Variants in ESR1 observed in about 807,000 individuals in gnomAD.
ESR1 encodes the protein estrogen receptor 1.
In ESR1, 12 loss-of-function variants were observed where a neutral mutation model predicts 52.7. The ratio of observed to expected loss-of-function variants is 0.23; its 90% confidence interval spans 0.15 to 0.37. ESR1 has a LOEUF of 0.37. Ranked by LOEUF, ESR1 falls within the 10% of genes least tolerant of loss-of-function variation. The pLI is 1.00. For missense variants in ESR1, 584 were observed against 779.7 expected (o/e 0.75, Z 2.99); for synonymous variants, 305 against 316.8 (o/e 0.96, Z 0.39).
At chr6:151,922,101 G>A (rs2031811744) in intron 3 of ESR1, among the ~76,000 whole-genome samples, 1 of 152,022 alleles carries the variant, frequency 6.6e-6, no homozygotes, top group Admixed American at 6.6e-5. Flanking sequence ...CATGGTACTG[G>A]TACAAATACA....
intron 2 of ESR1, among the ~76,000 whole-genome samples, chr6:151,760,162 G>A (rs1562383890): frequency 6.6e-6 from 1 of 152,136 alleles, no homozygotes; most frequent in African/African-American, 2.4e-5. Flanking sequence ...ATATTCCCAG[G>A]AGACTTGTTT....
intron 2 of ESR1, among the ~76,000 whole-genome samples, chr6:151,879,313 G>A (rs1196975391): frequency 2.6e-5 from 4 of 152,154 alleles, no homozygotes; most frequent in African/African-American, 7.2e-5. Context: ...ATTTGGCAAC[G>A]CGATTCATTG....
intron 1 of ESR1, among the ~76,000 whole-genome samples, chr6:151,817,528 A>G (rs559225372): frequency 1.2e-3 from 176 of 152,280 alleles, no homozygotes; most frequent in Non-Finnish European, 1.9e-3. Context: ...AGAGGGTAAA[A>G]GGAGTGCTGG....
chr6:151,676,709 T>C (rs950865721), intron 1 of ESR1, among the ~76,000 whole-genome samples: 1 of 152,162 alleles, frequency 6.6e-6, no homozygotes, highest in African/African-American at 2.4e-5. Flanking sequence ...GAAGGCATCC[T>C]GGAGATCCCT....
intron 6 of ESR1, among the ~76,000 whole-genome samples, chr6:152,117,332 G>C (rs1230960872): frequency 1.3e-5 from 2 of 152,312 alleles, no homozygotes; most frequent in East Asian, 3.9e-4. Context: ...GTGTCCGGCA[G>C]GATTTAAGCC....
chr6:151,956,430 C>T (rs1040632820), intron 4 of ESR1, among the ~76,000 whole-genome samples: 12 of 152,166 alleles, frequency 7.9e-5, no homozygotes, highest in Admixed American at 7.9e-4. Context: ...CATGAAGGAG[C>T]AGAAATGGAG....
At chr6:152,057,596 A>G (rs1352705062) in intron 5 of ESR1, among the ~76,000 whole-genome samples, 4 of 152,032 alleles carry the variant, frequency 2.6e-5, no homozygotes, top group African/African-American at 9.7e-5. Context: ...ATGTGTTTGC[A>G]TGGAAGGTAG....
chr6:151,808,140 C>G lies in ESR1; in HGVS notation c.228C>G (p.Thr76=). 1.9e-6 allele frequency: 3 copies of G among 1,605,194 alleles called. No individual in the cohort carries two copies. The highest frequency in any genetic ancestry group is 1.1e-5 in the South Asian group (1 of 89,686). The change falls in exon 1 of 8, where the codon ACC becomes ACG. Residue 76 remains threonine, a synonymous_variant. Coordinates refer to ENST00000206249, the MANE Select transcript of ESR1 (RefSeq NM_000125.4). ...CCAACGCGCAGGTCTACGGTCAGAC[C>G]GGCCTCCCCTACGGCCCCGGGTCTG... is the stretch of plus-strand genomic sequence containing the variant. ...AAANAQVYGQ[T]GLPYGPGSEA... is the part of the protein sequence containing the mutation.
chr6:152,026,666 A>T (rs2128842078), intron 5 of ESR1, among the ~76,000 whole-genome samples: 1 of 151,796 alleles, frequency 6.6e-6, no homozygotes, highest in Middle Eastern at 3.5e-3. Flanking sequence ...TATTGAATTT[A>T]TTTTGCTTTC....
chr6:151,696,177 A>C (rs1417800828), intron 1 of ESR1, among the ~76,000 whole-genome samples: 1 of 152,148 alleles, frequency 6.6e-6, no homozygotes. Context: ...AGCTAGATTA[A>C]AAGTGCCTCA....
intron 6 of ESR1, among the ~76,000 whole-genome samples, chr6:152,116,858 A>C (rs571926764): frequency 3.9e-5 from 6 of 152,300 alleles, no homozygotes; most frequent in African/African-American, 1.4e-4. Context: ...CATTGACTAG[A>C]GTTCAGAATA....
At chr6:151,928,529 C>A (rs557439106) in intron 3 of ESR1, among the ~76,000 whole-genome samples, 35 of 151,324 alleles carry the variant, frequency 2.3e-4, no homozygotes, top group Middle Eastern at 3.4e-3. Flanking sequence ...ATTGTGAAGT[C>A]AAAAAAAATA....
chr6:151,850,092 A>T (rs75238454), intron 2 of ESR1, among the ~76,000 whole-genome samples: 3,677 of 13,614 alleles, frequency 0.27, 176 homozygotes, highest in Admixed American at 0.42. Context: ...ATATATATAT[A>T]ATTTTATATA....
At chr6:151,807,644 G>A, upstream of ESR1, 1 of 583,232 alleles carries the variant, frequency 1.7e-6, no homozygotes, top group Non-Finnish European at 3.1e-6. Flanking sequence ...ATGAGCTCGG[G>A]AGACCAGTAC....
chr6:152,099,264 G>A lies in ESR1; in HGVS notation c.*298G>A, dbSNP rs902128294. ...CTCTTCACAGCTGAACTCAGTCTAT[G>A]GGTTGGGGCTCAGATAACTCTGTGC... is the stretch of plus-strand genomic sequence containing the variant. On this transcript the variant is annotated 3_prime_UTR_variant, in exon 8 of 8. Coordinates refer to ENST00000206249, the MANE Select transcript of ESR1 (RefSeq NM_000125.4). 14 of 483,272 alleles carry A rather than the reference G, an allele frequency of 2.9e-5. No homozygotes were observed. The highest frequency in any genetic ancestry group is 5.3e-5 in the Non-Finnish European group (14 of 261,762). 29.9% of individuals were successfully genotyped at this position (483,272 alleles called of 1,614,324 possible).
At chr6:152,097,908 A>C (rs1290726539) in intron 7 of ESR1, among the ~76,000 whole-genome samples, 1 of 152,202 alleles carries the variant, frequency 6.6e-6, no homozygotes, top group East Asian at 1.9e-4. Context: ...AATAAAAAGG[A>C]GAATTTCAGG....
chr6:151,752,450 A>G (rs1006538912), intron 2 of ESR1, among the ~76,000 whole-genome samples: 1 of 150,150 alleles, frequency 6.7e-6, no homozygotes, highest in Admixed American at 6.6e-5. Flanking sequence ...TTCAATTTTC[A>G]TATCTATACT....
At chr6:151,900,621 G>A (rs914040473) in intron 3 of ESR1, among the ~76,000 whole-genome samples, 7 of 152,192 alleles carry the variant, frequency 4.6e-5, no homozygotes, top group African/African-American at 1.7e-4. Flanking sequence ...AGATTCTTTT[G>A]TCCCACAGGT....
At chr6:151,836,202 A>G (rs1783303433) in intron 1 of ESR1, among the ~76,000 whole-genome samples, 1 of 152,234 alleles carries the variant, frequency 6.6e-6, no homozygotes, top group East Asian at 1.9e-4. Context: ...AGATATATTT[A>G]GCAAATATTT....
Sources: gnomAD v4.1 joint callset for allele counts (sites outside exome capture counted in the v4.1 genomes callset) on GRCh38, gnomAD v4.1.1 for gene constraint, MANE v1.5 for transcripts, NCBI Gene and HGNC (gene_info 2026-07-23, HGNC 2026-07-21) for gene names.